CTNNA2: variants seen among roughly 807,000 people sequenced by gnomAD.
The protein encoded by CTNNA2 is catenin alpha 2, also known as catenin alpha-2.
A neutral mutation model predicts 101.0 loss-of-function variants in CTNNA2; 42 were observed. The observed-to-expected ratio is 0.42, with a 90% CI of 0.32 to 0.54. The LOEUF (loss-of-function observed/expected upper bound fraction) is 0.54. Ranked by LOEUF, CTNNA2 falls within the 20% of genes least tolerant of loss-of-function variation. The probability of loss-of-function intolerance (pLI) is 0.14; values close to 1 mark genes in which losing one functional copy is unlikely to be tolerated. For missense variants in CTNNA2, 871 were observed against 1,223.1 expected, an observed-to-expected ratio of 0.71 and a Z score of 4.29; for synonymous variants, 450 against 456.4, an observed-to-expected ratio of 0.99 and a Z score of 0.18.
intron 7 of CTNNA2, among the ~76,000 whole-genome samples, chr2:80,089,246 G>A (rs1261221542): frequency 6.6e-6 from 1 of 151,990 alleles, no homozygotes; most frequent in East Asian, 1.9e-4. Context: ...AATTGTGGGA[G>A]CAAAAGTGGG....
At chr2:80,525,409 T>A (rs1243230357) in intron 9 of CTNNA2, among the ~76,000 whole-genome samples, 4 of 151,690 alleles carry the variant, frequency 2.6e-5, no homozygotes, top group Admixed American at 6.6e-5. Flanking sequence ...GGTGATGCCC[T>A]CCCCAGTGAC....
At chr2:79,818,549 T>A (rs1253207575) in intron 3 of CTNNA2, among the ~76,000 whole-genome samples, 2 of 151,600 alleles carry the variant, frequency 1.3e-5, no homozygotes, top group Non-Finnish European at 2.9e-5. Context: ...ACTGCTGACC[T>A]TGTGATCCAC....
intron 3 of CTNNA2, among the ~76,000 whole-genome samples, chr2:79,828,632 C>A (rs756745576): frequency 1.3e-5 from 2 of 152,196 alleles, no homozygotes; most frequent in African/African-American, 2.4e-5. Context: ...AATAGAGTTT[C>A]TGCTCTTGGA....
intron 7 of CTNNA2, among the ~76,000 whole-genome samples, chr2:80,270,325 A>T (rs1269200305): frequency 2.0e-5 from 3 of 152,122 alleles, no homozygotes; most frequent in Non-Finnish European, 4.4e-5. Context: ...TTTGTAACTT[A>T]AAAACAGCCT....
Position 80,302,962 on chromosome 2 carries a change from C to G in CTNNA2, c.1057-90249C>G. On this transcript the variant is annotated intron_variant, in intron 7 of 18. Transcript: ENST00000402739. This position sits in a 1 kb window ranked among gnomAD's most constrained non-coding sequence, Gnocchi z 6.4. ...TGTAGGTGAGGCGGTTGGAGTCCAGCTGCAGGGACTGCAGGTGCGGCACGG... is the reference window on the plus strand; with the variant it reads ...TGTAGGTGAGGCGGTTGGAGTCCAGGTGCAGGGACTGCAGGTGCGGCACGG... 1.9e-6 allele frequency: 3 copies of G among 1,613,576 alleles called. No homozygotes were observed. Among genetic ancestry groups the G allele is most frequent in the Non-Finnish European group, 2.5e-6 (3 of 1,179,974 alleles).
intron 18 of CTNNA2, among the ~76,000 whole-genome samples, chr2:80,621,559 G>A (rs1248211378): frequency 2.6e-5 from 4 of 151,918 alleles, no homozygotes; most frequent in African/African-American, 4.8e-5. Context: ...TTGGAAGACC[G>A]ATTCATGTTT....
At chr2:79,633,281 A>C (rs888158750) in intron 1 of CTNNA2, among the ~76,000 whole-genome samples, 2 of 152,194 alleles carry the variant, frequency 1.3e-5, no homozygotes, top group Non-Finnish European at 2.9e-5. Context: ...TCACAGATAG[A>C]TGCAACAGTG....
At chr2:79,247,427 T>C (rs759855714) in intron 2 of CTNNA2, among the ~76,000 whole-genome samples, 8 of 152,244 alleles carry the variant, frequency 5.3e-5, no homozygotes, top group Non-Finnish European at 8.8e-5. Context: ...ACTATAATGA[T>C]GTGAATACCT....
chr2:80,173,783 A>G (rs1003014283), intron 7 of CTNNA2, among the ~76,000 whole-genome samples: 4 of 152,102 alleles, frequency 2.6e-5, no homozygotes, highest in Admixed American at 2.6e-4. Context: ...AGTTACATGG[A>G]TACTGGACTG....
intron 3 of CTNNA2, among the ~76,000 whole-genome samples, chr2:79,796,111 G>C (rs556253672): frequency 6.6e-6 from 1 of 152,254 alleles, no homozygotes; most frequent in African/African-American, 2.4e-5. Flanking sequence ...TTTATATTTT[G>C]TATGTTTTTG....
intron 7 of CTNNA2, among the ~76,000 whole-genome samples, chr2:80,193,799 C>G (rs1392597968): frequency 6.6e-6 from 1 of 152,076 alleles, no homozygotes; most frequent in Admixed American, 6.6e-5. Context: ...TTTACTTTTC[C>G]CATATCCAGC....
intron 2 of CTNNA2, among the ~76,000 whole-genome samples, chr2:79,215,333 G>A (rs1040911387): frequency 4.6e-5 from 7 of 152,160 alleles, no homozygotes; most frequent in Non-Finnish European, 7.3e-5. Context: ...CGGTTCAGGC[G>A]TTTGGAAGTT....
At chr2:79,984,514 C>T (rs1208309949) in intron 7 of CTNNA2, among the ~76,000 whole-genome samples, 1 of 152,194 alleles carries the variant, frequency 6.6e-6, no homozygotes, top group Non-Finnish European at 1.5e-5. Flanking sequence ...GTCAAATTTA[C>T]AAGTTACCTT....
At chr2:79,368,583 A>C (rs1573128157) in intron 3 of CTNNA2, among the ~76,000 whole-genome samples, 2 of 152,086 alleles carry the variant, frequency 1.3e-5, no homozygotes, top group African/African-American at 4.8e-5. Context: ...CTTCCCCCGA[A>C]CCACCATGGG....
At position 80,351,362 on chromosome 2, in the gene CTNNA2, G is replaced by A. The variant is rs986386794; in HGVS notation, c.1057-41849G>A. ...GGGAAGAACTCCATGCCTCCAACAG[G>A]TCAGTTTATTATTCCCTGCTGTGTC... On this transcript the variant is annotated intron_variant, in intron 7 of 18. Transcript: ENST00000402739. Among the ~76,000 whole-genome samples, 5 of 152,048 alleles carry A rather than the reference G, an allele frequency of 3.3e-5. No homozygotes were observed. In the East Asian group the frequency reaches 9.7e-4, roughly 29 times the overall value.
intron 11 of CTNNA2, among the ~76,000 whole-genome samples, chr2:80,551,200 C>T (rs753710498): frequency 6.6e-6 from 1 of 152,166 alleles, no homozygotes; most frequent in Non-Finnish European, 1.5e-5. Flanking sequence ...CAAGAGTGGA[C>T]TTGAAATATT....
chr2:79,971,263 A>T (rs944897300), intron 7 of CTNNA2, among the ~76,000 whole-genome samples: 5 of 152,164 alleles, frequency 3.3e-5, no homozygotes, highest in Non-Finnish European at 7.3e-5. Context: ...ACTCAAAAAT[A>T]TACTTTCTTT....
At chr2:80,463,071 T>G (rs1268806004) in intron 9 of CTNNA2, among the ~76,000 whole-genome samples, 2 of 152,186 alleles carry the variant, frequency 1.3e-5, no homozygotes, top group Non-Finnish European at 2.9e-5. Context: ...GTTGGCGCTG[T>G]GATGCGATGC....
chr2:79,481,590 A>G (rs374951475), intron 4 of CTNNA2, among the ~76,000 whole-genome samples: 1 of 152,202 alleles, frequency 6.6e-6, no homozygotes, highest in Non-Finnish European at 1.5e-5. Flanking sequence ...GTACACATAC[A>G]AAATAAAACA....
Sources: gnomAD v4.1 joint callset for allele counts (sites outside exome capture counted in the v4.1 genomes callset) on GRCh38, gnomAD v4.1.1 for gene constraint, Gnocchi (gnomAD v3.1) non-coding constraint, MANE v1.5 for transcripts, NCBI Gene and HGNC (gene_info 2026-07-23, HGNC 2026-07-21) for gene names.